TAFA4: variants seen among roughly 807,000 people sequenced by gnomAD.
TAFA4 encodes the protein TAFA chemokine like family member 4, also known as chemokine-like protein TAFA-4.
TAFA4 carries 20 observed loss-of-function variants against 21.1 expected under a neutral mutation model. The observed-to-expected ratio is 0.95, with a 90% CI of 0.67 to 1.38. The LOEUF is 1.38. Ranked by LOEUF, TAFA4 falls within the 40% of genes most tolerant of loss-of-function variation. TAFA4 has a pLI of 0.00. For missense variants in TAFA4, 211 were observed against 180.9 expected (o/e 1.17, Z -0.95); for synonymous variants, 71 against 67.4 (o/e 1.05, Z -0.26).
intron 3 of TAFA4, among the ~76,000 whole-genome samples, chr3:68,875,134 C>T (rs2089531575): frequency 6.6e-6 from 1 of 152,086 alleles, no homozygotes; most frequent in South Asian, 2.1e-4. Flanking sequence ...GGTGACAACT[C>T]TCCTCAGCCT....
At chr3:68,853,126 A>G (rs1704988471) in intron 3 of TAFA4, among the ~76,000 whole-genome samples, 1 of 152,212 alleles carries the variant, frequency 6.6e-6, no homozygotes. Context: ...TTCCTGAATA[A>G]GTAAATTATA....
chr3:68,762,785 TCTC>T (rs1297851139), intron 3 of TAFA4, among the ~76,000 whole-genome samples: 6 of 152,216 alleles, frequency 3.9e-5, no homozygotes, highest in Middle Eastern at 3.2e-3. Context: ...ACGCCTGTAA[TCTC>T]AGCACTGTGG....
At chr3:68,883,173 T>C (rs1395761960) in intron 2 of TAFA4, 2 of 152,314 alleles carry the variant, frequency 1.3e-5, no homozygotes, top group Non-Finnish European at 2.9e-5. Flanking sequence ...TGTGTCCTCA[T>C]CTGGAGGCTC....
At chr3:68,890,923 A>T (rs901157068) in intron 1 of TAFA4, among the ~76,000 whole-genome samples, 4 of 152,236 alleles carry the variant, frequency 2.6e-5, no homozygotes, top group African/African-American at 9.6e-5. Context: ...ATGCCTAAAT[A>T]AATATTGCCT....
chr3:68,866,902 G>A (rs1454690496), intron 3 of TAFA4, among the ~76,000 whole-genome samples: 2 of 151,800 alleles, frequency 1.3e-5, no homozygotes, highest in Non-Finnish European at 2.9e-5. Context: ...GAATGAAAAG[G>A]AACAAAGGAC....
At chr3:68,884,908 G>A (rs1009176264) in intron 2 of TAFA4, among the ~76,000 whole-genome samples, 1 of 152,188 alleles carries the variant, frequency 6.6e-6, no homozygotes, top group Non-Finnish European at 1.5e-5. Flanking sequence ...GAGTGGTAGG[G>A]TTGGGGCCAG....
At chr3:68,793,757 T>G (rs1318441857) in intron 3 of TAFA4, among the ~76,000 whole-genome samples, 1 of 152,204 alleles carries the variant, frequency 6.6e-6, no homozygotes, top group Non-Finnish European at 1.5e-5. Context: ...GCAAGTTTAA[T>G]TCACCCTGTA....
intron 3 of TAFA4, among the ~76,000 whole-genome samples, chr3:68,860,718 T>C (rs1030398288): frequency 6.6e-6 from 1 of 152,092 alleles, no homozygotes; most frequent in African/African-American, 2.4e-5. Context: ...GGAAGATGAA[T>C]TCCAAGAATC....
chr3:68,850,791 C>G (rs1704925987), intron 3 of TAFA4, among the ~76,000 whole-genome samples: 1 of 151,786 alleles, frequency 6.6e-6, no homozygotes, highest in African/African-American at 2.4e-5. Flanking sequence ...AGACCTTTGA[C>G]AGATGGACAG....
chr3:68,848,561 C>T (rs1704866898), intron 3 of TAFA4, among the ~76,000 whole-genome samples: 1 of 152,190 alleles, frequency 6.6e-6, no homozygotes, highest in South Asian at 2.1e-4. Flanking sequence ...GGTTGATCAA[C>T]TCACCTTGGT....
Position 68,767,419 on chromosome 3 carries a change from C to T in TAFA4, c.131-14401G>A, listed in dbSNP as rs933433038. Among the ~76,000 whole-genome samples the T allele has an allele frequency of 4.1e-4, 63 of 151,916 alleles. 1 individual carries two copies. Among genetic ancestry groups the T allele is most frequent in the Non-Finnish European group, 1.8e-4 (12 of 67,944 alleles). Reference sequence around the variant, plus strand: ...GAACAATAGGAAATTTCATAAAATGCATAAGCTACAAACATTTACACATGC... The same window carrying T: ...GAACAATAGGAAATTTCATAAAATGTATAAGCTACAAACATTTACACATGC... On this transcript the variant is annotated intron_variant, in intron 3 of 5. Transcript: ENST00000295569.
chr3:68,831,268 G>C (rs1684497654), intron 3 of TAFA4, among the ~76,000 whole-genome samples: 1 of 152,188 alleles, frequency 6.6e-6, no homozygotes. Flanking sequence ...AATTGATGCA[G>C]TTTCTTCACA....
chr3:68,924,522 T>C (rs567767982), intron 1 of TAFA4, among the ~76,000 whole-genome samples: 6 of 152,340 alleles, frequency 3.9e-5, no homozygotes, highest in South Asian at 2.1e-4. Context: ...AGTTCAGTTT[T>C]GCACCACGAA....
At chr3:68,891,743 C>T (rs1559555273) in intron 1 of TAFA4, among the ~76,000 whole-genome samples, 1 of 152,122 alleles carries the variant, frequency 6.6e-6, no homozygotes, top group South Asian at 2.1e-4. Flanking sequence ...TGGGGGGAGA[C>T]TATCCCACTA....
chr3:68,781,835 T>C (rs1703159804), intron 3 of TAFA4, among the ~76,000 whole-genome samples: 1 of 152,134 alleles, frequency 6.6e-6, no homozygotes. Context: ...ATATCTCGCA[T>C]AAAATAGATG....
intron 1 of TAFA4, among the ~76,000 whole-genome samples, chr3:68,923,205 C>T (rs537607181): frequency 6.6e-6 from 1 of 152,256 alleles, no homozygotes; most frequent in South Asian, 2.1e-4. Context: ...CTTGCTATTG[C>T]TCATCACATC....
At chr3:68,850,056 T>G (rs1704907706) in intron 3 of TAFA4, among the ~76,000 whole-genome samples, 1 of 152,214 alleles carries the variant, frequency 6.6e-6, no homozygotes, top group African/African-American at 2.4e-5. Context: ...ACCATTGAGT[T>G]GCAAAATTGC....
intron 1 of TAFA4, among the ~76,000 whole-genome samples, chr3:68,886,796 G>T (rs1236076307): frequency 6.6e-6 from 1 of 152,136 alleles, no homozygotes; most frequent in Non-Finnish European, 1.5e-5. Flanking sequence ...TTCTGCTGCT[G>T]TAACAGAACA....
At chr3:68,797,605 T>C (rs1575612433) in intron 3 of TAFA4, among the ~76,000 whole-genome samples, 3 of 99,744 alleles carry the variant, frequency 3.0e-5, no homozygotes, top group South Asian at 6.8e-4. Flanking sequence ...AGAGTGAGAC[T>C]CCATCTCAAA....
Sources: gnomAD v4.1 joint callset for allele counts (sites outside exome capture counted in the v4.1 genomes callset) on GRCh38, gnomAD v4.1.1 for gene constraint, MANE v1.5 for transcripts, NCBI Gene and HGNC (gene_info 2026-07-23, HGNC 2026-07-21) for gene names.